The following CRIM1 variants were observed in gnomAD, a reference collection of about 807,000 sequenced individuals.
CRIM1 encodes the protein cysteine-rich motor neuron 1 protein.
A neutral mutation model predicts 116.4 loss-of-function variants in CRIM1; 32 were observed. The ratio of observed to expected loss-of-function variants is 0.27; its 90% CI spans 0.21 to 0.37. CRIM1 has a LOEUF of 0.37. Ranked by LOEUF, CRIM1 falls within the 10% of genes least tolerant of loss-of-function variation. CRIM1 has a pLI of 1.00. For missense variants in CRIM1, 1,331 were observed against 1,354.8 expected (o/e 0.98, Z 0.28); for synonymous variants, 590 against 509.2 (o/e 1.16, Z -2.13).
chr2:36,522,108 T>C lies in CRIM1; in HGVS notation c.2223T>C (p.Pro741=). 6.2e-7 allele frequency: 1 copy of C among 1,614,178 alleles called. No individual in the cohort carries two copies. The highest frequency in any genetic ancestry group is 8.5e-7 in the Non-Finnish European group (1 of 1,179,996). The change falls in exon 13 of 17, where the codon CCT becomes CCC. Residue 741 remains proline (P), a synonymous_variant. Coordinates refer to ENST00000280527, the MANE Select transcript of CRIM1 (RefSeq NM_016441.3). ...CPQCTDQPFR[P]SLSRNNSVPN... Reference sequence around the variant, plus strand: ...TTTTTCCAGATCAACCTTTTCGGCCTTCCTTGTCCCGCAATAACAGCGTAC... The same window carrying C: ...TTTTTCCAGATCAACCTTTTCGGCCCTCCTTGTCCCGCAATAACAGCGTAC...
In CRIM1 at chr2:36,356,959, CG is replaced by C. The variant is rs1291119181; in HGVS notation, c.331+342del. Among the ~76,000 whole-genome samples the C allele has an allele frequency of 6.6e-6, 1 of 151,124 alleles. No homozygotes were observed. Among genetic ancestry groups the C allele is most frequent in the African/African-American group, 2.4e-5 (1 of 41,216 alleles). ...CTCCCCGAGGTGGGGGCGCCGCGGG[CG>C]GGGGGCACTGCAGATTCTGCCGCGC... On this transcript the variant is annotated intron_variant, in intron 1 of 16. Coordinates refer to ENST00000280527, the MANE Select transcript of CRIM1 (RefSeq NM_016441.3). This position sits in a 1 kb window ranked among gnomAD's most constrained non-coding sequence, Gnocchi z 4.3.
At chr2:36,391,115 T>C (rs576983095) in intron 1 of CRIM1, among the ~76,000 whole-genome samples, 3 of 129,416 alleles carry the variant, frequency 2.3e-5, no homozygotes, top group African/African-American at 8.9e-5. Flanking sequence ...TGGCCAACTT[T>C]TGATTTTTTT....
Position 36,513,546 on chromosome 2 carries a change from G to T in CRIM1, c.1781-10G>T. On this transcript the variant is annotated splice_polypyrimidine_tract_variant and intron_variant, in intron 10 of 16. Transcript: ENST00000280527. ...CCACTTCTTTACCAGGCTGCCTTTTGTCTGTCCAGAGGCCTCTGCTTCAGC... is the reference window on the plus strand; with the variant it reads ...CCACTTCTTTACCAGGCTGCCTTTTTTCTGTCCAGAGGCCTCTGCTTCAGC... 1 of 1,613,572 alleles carries T rather than the reference G, an allele frequency of 6.2e-7. No individual in the cohort carries two copies.
chr2:36,522,013 T>G, intron 12 of CRIM1, 79 bp from the exon 13 acceptor site: 1 of 1,163,466 alleles, frequency 8.6e-7, no homozygotes, highest in African/African-American at 1.5e-5. Context: ...CATGACTGGG[T>G]GTGCTTTGAA....
chr2:36,430,010 T>C (rs1486140866), intron 2 of CRIM1, among the ~76,000 whole-genome samples: 1 of 152,198 alleles, frequency 6.6e-6, no homozygotes, highest in East Asian at 1.9e-4. Context: ...GAAAGGAGTG[T>C]AAGTACTGTA....
intron 6 of CRIM1, 64 bp downstream of exon 6, chr2:36,477,135 A>G: frequency 7.6e-7 from 1 of 1,308,356 alleles, no homozygotes; most frequent in South Asian, 1.5e-5. Flanking sequence ...TAAAATCAAA[A>G]TCGTCCTAAT....
At chr2:36,482,360 CAG>C (rs761374170) in intron 7 of CRIM1, among the ~76,000 whole-genome samples, 6 of 152,064 alleles carry the variant, frequency 3.9e-5, no homozygotes, top group East Asian at 1.9e-4. Flanking sequence ...GATTAAAAAA[CAG>C]TGCACAGCTT....
chr2:36,432,866 C>G (rs976147761), intron 2 of CRIM1, among the ~76,000 whole-genome samples: 60 of 151,856 alleles, frequency 4.0e-4, no homozygotes, highest in African/African-American at 1.4e-3. Context: ...GGGGTGCACT[C>G]TGAGCTTTTG....
intron 3 of CRIM1, among the ~76,000 whole-genome samples, chr2:36,442,275 G>A (rs903686314): frequency 1.3e-5 from 2 of 150,288 alleles, no homozygotes; most frequent in African/African-American, 4.9e-5. Context: ...CTAGATAAAC[G>A]CTCCAAGCAA....
At chr2:36,538,446 G>A (rs897697444) in intron 14 of CRIM1, among the ~76,000 whole-genome samples, 2 of 152,080 alleles carry the variant, frequency 1.3e-5, no homozygotes, top group South Asian at 2.1e-4. Flanking sequence ...GTCTTACCTC[G>A]ATTCTCATGT....
chr2:36,474,703 C>T (rs950695991), intron 5 of CRIM1, among the ~76,000 whole-genome samples: 12 of 151,948 alleles, frequency 7.9e-5, no homozygotes, highest in African/African-American at 2.7e-4. Flanking sequence ...CAAAAATTAG[C>T]TGGGCATGGT....
At chr2:36,528,569 G>A (rs1447276920) in intron 13 of CRIM1, among the ~76,000 whole-genome samples, 4 of 152,246 alleles carry the variant, frequency 2.6e-5, no homozygotes, top group Non-Finnish European at 5.9e-5. Flanking sequence ...TGGGAACAGA[G>A]TACGTGGCAT....
chr2:36,512,505 C>T lies in CRIM1; in HGVS notation c.1780+111C>T, dbSNP rs1288543500. The T allele has an allele frequency of 3.3e-6, 4 of 1,195,882 alleles. No individual in the cohort carries two copies. The Admixed American group carries it at 6.4e-5, about 19-fold the overall frequency. 74.1% of individuals were successfully genotyped at this position (1,195,882 alleles called of 1,614,324 possible). On this transcript the variant is annotated intron_variant, in intron 10 of 16. Transcript: ENST00000280527. ...TTTCGGTGGTTGCTGCCTATTCTAA[C>T]ACAAATGTCAGTCTCTGTGGGACCG... is the stretch of plus-strand genomic sequence containing the variant.
chr2:36,483,629 G>A (rs531028516), intron 7 of CRIM1, among the ~76,000 whole-genome samples: 10 of 152,196 alleles, frequency 6.6e-5, no homozygotes, highest in Non-Finnish European at 1.3e-4. Context: ...ATTATACCCT[G>A]AAAGAGGCTC....
At chr2:36,381,372 A>G (rs570797381) in intron 1 of CRIM1, among the ~76,000 whole-genome samples, 1 of 152,340 alleles carries the variant, frequency 6.6e-6, no homozygotes, top group Non-Finnish European at 1.5e-5. Flanking sequence ...GGGAGCCGGC[A>G]GGTTTCCTCA....
At chr2:36,390,984 GT>G (rs369395831) in intron 1 of CRIM1, among the ~76,000 whole-genome samples, 6 of 151,462 alleles carry the variant, frequency 4.0e-5, no homozygotes, top group African/African-American at 9.7e-5. Flanking sequence ...TAATTTTTGT[GT>G]TTTTTGTAGA....
chr2:36,394,659 C>T (rs1671877791), intron 1 of CRIM1, among the ~76,000 whole-genome samples: 1 of 151,608 alleles, frequency 6.6e-6, no homozygotes, highest in Admixed American at 6.6e-5. Context: ...TGTTGTTTCT[C>T]AGAACCAAAT....
chr2:36,363,387 C>G (rs76740498), intron 1 of CRIM1, among the ~76,000 whole-genome samples: 3,731 of 152,028 alleles, frequency 0.025, 118 homozygotes, highest in South Asian at 0.076. Context: ...GGCTACTAAC[C>G]AGTATAAGTG....
At chr2:36,457,417 AGGTACAGT>A (rs1424072499) in intron 4 of CRIM1, among the ~76,000 whole-genome samples, 1 of 152,208 alleles carries the variant, frequency 6.6e-6, no homozygotes, top group Non-Finnish European at 1.5e-5. Context: ...GTGTTGAAGA[AGGTACAGT>A]TTCTGCTCAC....
Sources: gnomAD v4.1 joint callset for allele counts (sites outside exome capture counted in the v4.1 genomes callset) on GRCh38, gnomAD v4.1.1 for gene constraint, Gnocchi (gnomAD v3.1) non-coding constraint, MANE v1.5 for transcripts, NCBI Gene and HGNC (gene_info 2026-07-23, HGNC 2026-07-21) for gene names.